The following DYNC2H1 variants were observed in gnomAD, a reference collection of about 807,000 sequenced individuals.
The protein encoded by DYNC2H1 is dynein cytoplasmic 2 heavy chain 1.
DYNC2H1 carries 410 observed loss-of-function variants against 570.0 expected under a neutral mutation model. That is an observed-to-expected ratio of 0.72 (90% CI 0.66 to 0.78). DYNC2H1 has a LOEUF of 0.78. Ranked by LOEUF, DYNC2H1 falls within the 30% of genes least tolerant of loss-of-function variation. DYNC2H1 has a pLI of 0.00. For synonymous variants in DYNC2H1, 1,688 were observed against 1,677.6 expected, an observed-to-expected ratio of 1.01 and a Z score of -0.15; for missense variants, 4,865 against 5,046.4, an observed-to-expected ratio of 0.96 and a Z score of 1.09.
chr11:103,159,334 A>G (rs1860979989), intron 28 of DYNC2H1, among the ~76,000 whole-genome samples: 1 of 152,170 alleles, frequency 6.6e-6, no homozygotes, highest in Non-Finnish European at 1.5e-5. Flanking sequence ...TGAAGAATGT[A>G]TAGGCCTTAG....
intron 70 of DYNC2H1, among the ~76,000 whole-genome samples, chr11:103,278,343 T>C (rs931567565): frequency 6.6e-6 from 1 of 152,134 alleles, no homozygotes; most frequent in African/African-American, 2.4e-5. Flanking sequence ...GCTTTTAGAG[T>C]GTCCTAGGTA....
At chr11:103,298,641 G>T (rs1209981519) in intron 75 of DYNC2H1, among the ~76,000 whole-genome samples, 2 of 152,026 alleles carry the variant, frequency 1.3e-5, no homozygotes, top group African/African-American at 4.8e-5. Context: ...TTATTAAATT[G>T]TTTTAATGTA....
intron 88 of DYNC2H1, among the ~76,000 whole-genome samples, chr11:103,476,620 G>A (rs1050657059): frequency 1.2e-4 from 19 of 152,122 alleles, no homozygotes; most frequent in African/African-American, 4.3e-4. Context: ...TAGAGAATAT[G>A]TCTTGTTATA....
rs1248408458 is a variant in DYNC2H1, at chr11:103,157,451, C to A, written c.4127+681C>A. Among the ~76,000 whole-genome samples, 1 of 152,246 alleles carries A rather than the reference C, an allele frequency of 6.6e-6. No individual in the cohort carries two copies. Among genetic ancestry groups the A allele is most frequent in the Non-Finnish European group, 1.5e-5 (1 of 68,040 alleles). ...CCTTTCCAACAAATCTTTCTTCTTTCTGATTCCTATTTCAATAAATGGCCC... is the reference window on the plus strand; with the variant it reads ...CCTTTCCAACAAATCTTTCTTCTTTATGATTCCTATTTCAATAAATGGCCC... On this transcript the variant is annotated intron_variant, in intron 26 of 88. Transcript: ENST00000375735. The surrounding 1 kb of genome is among the most constrained non-coding windows in gnomAD (Gnocchi z 4.2).
At chr11:103,302,474 A>G (rs556519697) in intron 75 of DYNC2H1, among the ~76,000 whole-genome samples, 2 of 152,238 alleles carry the variant, frequency 1.3e-5, no homozygotes, top group East Asian at 1.9e-4. Flanking sequence ...TGATTTGCAT[A>G]GAGTCATTTG....
chr11:103,318,058 G>A lies in DYNC2H1; in HGVS notation c.11725+1438G>A, dbSNP rs374406072. On this transcript the variant is annotated intron_variant, in intron 80 of 88. Coordinates refer to ENST00000375735, the MANE Select transcript of DYNC2H1 (RefSeq NM_001377.3). ...GCATCAGAAATTTTTTCTATAACTT[G>A]TCTTTGGCAAAAGGATAAGGATGGA... 1.2e-4 allele frequency among the ~76,000 whole-genome samples: 18 copies of A among 152,052 alleles called. No individual in the cohort carries two copies. In the East Asian group the frequency reaches 1.7e-3, roughly 15 times the overall value.
intron 17 of DYNC2H1, among the ~76,000 whole-genome samples, chr11:103,139,136 C>G (rs1413779310): frequency 1.3e-5 from 2 of 152,134 alleles, no homozygotes; most frequent in South Asian, 2.1e-4. Flanking sequence ...AGCGGTCTAT[C>G]AATTTTGTTG....
intron 87 of DYNC2H1, among the ~76,000 whole-genome samples, chr11:103,464,871 A>C (rs981097283): frequency 3.3e-5 from 5 of 152,194 alleles, no homozygotes; most frequent in Non-Finnish European, 5.9e-5. Flanking sequence ...ACAACAGTGA[A>C]CCCCAAATTA....
intron 1 of DYNC2H1, among the ~76,000 whole-genome samples, chr11:103,112,833 A>G (rs1186915609): frequency 6.6e-6 from 1 of 152,226 alleles, no homozygotes; most frequent in Admixed American, 6.5e-5. Context: ...TCCTTTGACT[A>G]GTATAGTTCT....
At chr11:103,426,393 G>A (rs1943674392) in intron 84 of DYNC2H1, among the ~76,000 whole-genome samples, 1 of 152,158 alleles carries the variant, frequency 6.6e-6, no homozygotes, top group Non-Finnish European at 1.5e-5. Context: ...CCACAACCAA[G>A]CTGGTCTTAG....
In DYNC2H1 at chr11:103,204,963, A is replaced by C. The variant is rs556622958; in HGVS notation, c.8453A>C (p.Lys2818Thr). Residue 2818 changes from lysine (K) to threonine (T), a missense_variant and splice_region_variant, in exon 52 of 89, where the codon AAA (lysine) becomes ACA (threonine). By Grantham distance (78) the Lys-to-Thr change is moderately conservative. Around this residue, in one of 5 missense-constraint regions of DYNC2H1, gnomAD observed 2,401 missense variants for 2,454.6 expected, o/e 0.98. Transcript: ENST00000375735. The surrounding 1 kb of genome is among the most constrained non-coding windows in gnomAD (Gnocchi z 4.1). ...MEGWSNSSMKKIPEMLFSETG... is the reference protein window; with the variant it reads ...MEGWSNSSMKTIPEMLFSETG... The stretch of plus-strand genomic sequence containing the variant: ...GGTTGGTCCAATAGCAGTATGAAGA[A>C]AGTAAGTTTAACAAATATTAAAAAA... 6 of 1,557,864 alleles carry C rather than the reference A, an allele frequency of 3.9e-6. No individual in the cohort carries two copies. In the East Asian group the frequency reaches 7.1e-5, roughly 18 times the overall value.
chr11:103,475,897 A>G (rs1234164846), intron 88 of DYNC2H1, among the ~76,000 whole-genome samples: 5 of 152,198 alleles, frequency 3.3e-5, no homozygotes, highest in Admixed American at 3.3e-4. Flanking sequence ...TAACATCGTA[A>G]AACATTTCAT....
In DYNC2H1 at chr11:103,189,153, G is replaced by A. The variant is rs989963447; in HGVS notation, c.7292+505G>A. Among the ~76,000 whole-genome samples the A allele has an allele frequency of 6.6e-6, 1 of 151,644 alleles. No individual in the cohort carries two copies. The highest frequency in any genetic ancestry group is 2.4e-5 in the African/African-American group (1 of 41,300). On this transcript the variant is annotated intron_variant, in intron 44 of 88. Coordinates refer to ENST00000375735, the MANE Select transcript of DYNC2H1 (RefSeq NM_001377.3). The surrounding 1 kb of genome is among the most constrained non-coding windows in gnomAD (Gnocchi z 4.3). The stretch of plus-strand genomic sequence containing the variant: ...TACATTATATTACATTACAAATATT[G>A]AATATTACAAAACCTTATTTGTATA...
chr11:103,310,108 A>T (rs923516503), intron 78 of DYNC2H1, among the ~76,000 whole-genome samples: 1 of 151,930 alleles, frequency 6.6e-6, no homozygotes, highest in Non-Finnish European at 1.5e-5. Flanking sequence ...TCACTTCATT[A>T]TTTTTTTCCT....
intron 12 of DYNC2H1, among the ~76,000 whole-genome samples, chr11:103,128,049 G>A (rs1187611721): frequency 1.3e-5 from 2 of 152,236 alleles, no homozygotes; most frequent in African/African-American, 4.8e-5. Flanking sequence ...ATGTCTAGAG[G>A]AAGACTATTC....
Position 103,393,510 on chromosome 11 carries a change from A to G in DYNC2H1, c.12157-6153A>G, listed in dbSNP as rs1482569414. ...TTATTTGCTTTAAAATTATTTACTC[A>G]TTTCATATGCCTTGAAAGTTTCATA... On this transcript the variant is annotated intron_variant, in intron 83 of 88. Coordinates refer to ENST00000375735, the MANE Select transcript of DYNC2H1 (RefSeq NM_001377.3). Among the ~76,000 whole-genome samples, 3 of 152,068 alleles carry G rather than the reference A, an allele frequency of 2.0e-5. No homozygotes were observed. In the East Asian group the frequency reaches 5.8e-4, roughly 29 times the overall value.
At chr11:103,358,617 G>C (rs1333853977) in intron 83 of DYNC2H1, among the ~76,000 whole-genome samples, 1 of 152,074 alleles carries the variant, frequency 6.6e-6, no homozygotes, top group Non-Finnish European at 1.5e-5. Context: ...CCCTTTAGCA[G>C]TTCATTCCTT....
chr11:103,341,668 T>C (rs1939447131), intron 82 of DYNC2H1, among the ~76,000 whole-genome samples: 1 of 152,240 alleles, frequency 6.6e-6, no homozygotes, highest in African/African-American at 2.4e-5. Context: ...GTATCCTAAA[T>C]GTCATCAAAT....
chr11:103,152,877 A>G (rs1328087507), intron 21 of DYNC2H1, among the ~76,000 whole-genome samples: 2 of 152,172 alleles, frequency 1.3e-5, no homozygotes, highest in African/African-American at 4.8e-5. Context: ...TACTGCACTC[A>G]TATTTTATCA....
Sources: allele counts gnomAD v4.1 joint callset (sites outside exome capture counted in the v4.1 genomes callset), GRCh38; gene constraint gnomAD v4.1.1; regional missense constraint gnomAD v4.1.1; non-coding constraint Gnocchi (gnomAD v3.1); transcripts MANE v1.5; gene names NCBI Gene and HGNC (gene_info 2026-07-23, HGNC 2026-07-21).